Variants in CIAPIN1 observed in about 807,000 individuals in gnomAD.
CIAPIN1 encodes anamorsin.
Under a neutral mutation model 34.3 loss-of-function variants are expected in CIAPIN1, and 18 were observed. The observed-to-expected ratio is 0.52, with a 90% CI of 0.36 to 0.78. CIAPIN1 has a LOEUF of 0.78. CIAPIN1 is among the 30% of genes least tolerant of loss of function. The pLI is 0.00. For synonymous variants in CIAPIN1, 131 were observed against 140.4 expected (o/e 0.93, Z 0.47); for missense variants, 310 against 372.5 (o/e 0.83, Z 1.38).
At chr16:57,432,413 A>G in intron 6 of CIAPIN1, 74 bp downstream of exon 6, 1 of 1,264,332 alleles carries the variant, frequency 7.9e-7, no homozygotes, top group Non-Finnish European at 1.1e-6. Flanking sequence ...CAAGTCCAGA[A>G]AGGTCACTAT....
At chr16:57,434,367 C>A (rs1903155192) in intron 4 of CIAPIN1, among the ~76,000 whole-genome samples, 155 bp from the exon 5 acceptor site, 1 of 152,194 alleles carries the variant, frequency 6.6e-6, no homozygotes, top group South Asian at 2.1e-4. Flanking sequence ...TTCAGTTTCT[C>A]ACTGATCAGA....
rs1383393927 is a variant in CIAPIN1 at position 57,434,068 on chromosome 16, T to C, written c.532A>G (p.Ile178Val). The change falls in exon 5 of 9, where the codon ATC becomes GTC. Residue 178 changes from isoleucine to valine, a missense_variant. By Grantham distance (29) the Ile-to-Val change is conservative (BLOSUM62 3). Coordinates refer to ENST00000394391, the MANE Select transcript of CIAPIN1 (RefSeq NM_020313.4). Reference sequence around the variant, plus strand: ...CCTGAAGGAGAAGACTTCTTGGTGATGGAAAGCTTAAGCTGCCTAGAAGAA... The same window carrying C: ...CCTGAAGGAGAAGACTTCTTGGTGACGGAAAGCTTAAGCTGCCTAGAAGAA... ...VGSSRQLKLS[I>V]TKKSSPSVKP... 6.2e-6 allele frequency: 10 copies of C among 1,613,996 alleles called. No homozygotes were observed. Among genetic ancestry groups the C allele is most frequent in the Non-Finnish European group, 8.5e-6 (10 of 1,180,004 alleles).
Position 57,436,724 on chromosome 16 carries a change from T to C in CIAPIN1, c.319A>G (p.Ser107Gly), listed in dbSNP as rs1292030804. ...EPVETAVDNNSKVKTASKLCS... is the reference protein window; with the variant it reads ...EPVETAVDNNGKVKTASKLCS... ...AGCTTAGATGCTGTCTTCACTTTGC[T>C]ATTGTTATCTGCCAAAAGGAAAATC... Residue 107 changes from serine to glycine, a missense_variant, in exon 4 of 9, where the codon AGC becomes GGC. Ser to Gly is a moderately conservative substitution (Grantham distance 56). Coordinates refer to ENST00000394391, the MANE Select transcript of CIAPIN1 (RefSeq NM_020313.4). The C allele has an allele frequency of 6.2e-7, 1 of 1,613,510 alleles. No homozygotes were observed. Among genetic ancestry groups the C allele is most frequent in the Non-Finnish European group, 8.5e-7 (1 of 1,179,658 alleles).
At chr16:57,433,993 A>G in intron 5 of CIAPIN1, 51 bp downstream of exon 5, 1 of 1,506,752 alleles carries the variant, frequency 6.6e-7, no homozygotes, top group East Asian at 2.3e-5. Flanking sequence ...AATTTCTAAC[A>G]TGTCCCTCTA....
At chr16:57,436,795 T>G in intron 3 of CIAPIN1, 63 bp from the exon 4 acceptor site, 3 of 1,393,188 alleles carry the variant, frequency 2.2e-6, no homozygotes, top group Non-Finnish European at 2.0e-6. Flanking sequence ...TAATAAAGGC[T>G]CAATCCTATA....
chr16:57,442,492 C>T (rs536918867), intron 1 of CIAPIN1, among the ~76,000 whole-genome samples: 32 of 152,072 alleles, frequency 2.1e-4, no homozygotes, highest in South Asian at 8.3e-4. Flanking sequence ...GAAACCCCAT[C>T]TCTACTAAAA....
intron 1 of CIAPIN1, among the ~76,000 whole-genome samples, chr16:57,442,394 C>G (rs1350930765): frequency 6.6e-6 from 1 of 152,080 alleles, no homozygotes; most frequent in African/African-American, 2.4e-5. Context: ...GGCGTGGTGG[C>G]TCATGCCTAT....
In CIAPIN1 at chr16:57,441,002, C is replaced by T; in HGVS notation, c.-55-19G>A. 6.8e-7 allele frequency: 1 copy of T among 1,470,038 alleles called. No homozygotes were observed. The highest frequency in any genetic ancestry group is 2.3e-5 in the East Asian group (1 of 43,516). 91.1% of individuals were successfully genotyped at this position (1,470,038 alleles called of 1,614,324 possible). ...ATCAAGACTGGGCAGAGACAAAGTGCAATTTAATCTGTGAGATATCATAAA... is the reference window on the plus strand; with the variant it reads ...ATCAAGACTGGGCAGAGACAAAGTGTAATTTAATCTGTGAGATATCATAAA... On this transcript the variant is annotated intron_variant, in intron 1 of 8. Coordinates refer to ENST00000394391, the MANE Select transcript of CIAPIN1 (RefSeq NM_020313.4).
intron 1 of CIAPIN1, among the ~76,000 whole-genome samples, chr16:57,443,035 T>C (rs1283322269): frequency 6.6e-6 from 1 of 151,154 alleles, no homozygotes; most frequent in African/African-American, 2.4e-5. Flanking sequence ...TAGGATTCTT[T>C]AGTCATTTAA....
intron 2 of CIAPIN1, among the ~76,000 whole-genome samples, chr16:57,440,400 C>T (rs1425456456): frequency 6.6e-6 from 1 of 152,142 alleles, no homozygotes; most frequent in Non-Finnish European, 1.5e-5. Context: ...GTGACCCACA[C>T]CCTATTCGTA....
At chr16:57,434,289 CAA>C in intron 4 of CIAPIN1, 77 bp from the exon 5 acceptor site, 1 of 1,374,484 alleles carries the variant, frequency 7.3e-7, no homozygotes, top group Non-Finnish European at 1.0e-6. Flanking sequence ...ACACAGGAGT[CAA>C]AGACTCATTT....
intron 1 of CIAPIN1, among the ~76,000 whole-genome samples, chr16:57,442,242 A>G (rs1903348628): frequency 6.6e-6 from 1 of 151,944 alleles, no homozygotes; most frequent in African/African-American, 2.4e-5. Flanking sequence ...GCTACTCACG[A>G]GGCTGAGGAA....
Position 57,440,821 on chromosome 16 carries a change from G to T in CIAPIN1, c.108C>A (p.Thr36=). ...KGLVDKLQAL[T]GNEGRVSVEN... ...CCACAGACACGCGGCCCTCATTGCC[G>T]GTTAACGCTTGAAGCTTATCCACCA... Residue 36 remains threonine (T), a synonymous_variant, in exon 2 of 9, where the codon ACC becomes ACA. Transcript: ENST00000394391. The T allele has an allele frequency of 6.2e-7, 1 of 1,613,828 alleles. No homozygotes were observed. Among genetic ancestry groups the T allele is most frequent in the Non-Finnish European group, 8.5e-7 (1 of 1,179,858 alleles).
At chr16:57,446,319 C>G (rs1284759704) in intron 1 of CIAPIN1, among the ~76,000 whole-genome samples, 1 of 152,084 alleles carries the variant, frequency 6.6e-6, no homozygotes, top group African/African-American at 2.4e-5. Context: ...AGTGTTTTAC[C>G]TAAAACCAGA....
rs773648892 is a variant in CIAPIN1, at chr16:57,434,206, G to A, written c.394C>T (p.Arg132Trp). The change falls in exon 5 of 9, where the codon CGG (arginine) becomes TGG (tryptophan). Residue 132 changes from arginine (R) to tryptophan (W), a missense_variant. Physicochemically the swap from Arg to Trp is moderately radical, Grantham distance 101 (BLOSUM62 -3). Transcript: ENST00000394391. ...ACTTCCTCAGGGGTTAGGGGCTCCC[G>A]CTGCAGCTAGAATTCAAGACATCAA... is the stretch of plus-strand genomic sequence containing the variant. The part of the protein sequence containing the change: ...SGLVEVKELQ[R>W]EPLTPEEVQS... The A allele has an allele frequency of 4.1e-5, 66 of 1,613,628 alleles. 1 individual carries two copies. Among genetic ancestry groups the A allele is most frequent in the South Asian group, 3.7e-4 (34 of 91,016 alleles).
At chr16:57,445,336 G>A (rs1274483103) in intron 1 of CIAPIN1, among the ~76,000 whole-genome samples, 4 of 151,926 alleles carry the variant, frequency 2.6e-5, no homozygotes, top group Non-Finnish European at 4.4e-5. Context: ...GAGAAAACCC[G>A]TCTCTACTAA....
In CIAPIN1 at chr16:57,436,677, A is replaced by T. The variant is rs1389301719; in HGVS notation, c.366T>A (p.Ser122=). The change falls in exon 4 of 9, where the codon TCT becomes TCA. Residue 122 remains serine (S), a synonymous_variant. Transcript: ENST00000394391. ...GTACCTCTTTCACTTCCACAAGACC[A>T]GAAAGAGTCAGGGCTGAACACAGCT... ...ASKLCSALTL[S]GLVEVKELQR... is the part of the protein sequence containing the mutation. 2 of 1,613,936 alleles carry T rather than the reference A, an allele frequency of 1.2e-6. No homozygotes were observed. Among genetic ancestry groups the T allele is most frequent in the Non-Finnish European group, 1.7e-6 (2 of 1,179,822 alleles).
intron 6 of CIAPIN1, among the ~76,000 whole-genome samples, chr16:57,432,239 G>A (rs561829276): frequency 2.8e-4 from 43 of 152,146 alleles, no homozygotes; most frequent in African/African-American, 9.6e-4. Flanking sequence ...GCTTGAACCC[G>A]GGAGCAGAGA....
At chr16:57,432,661 T>G in intron 5 of CIAPIN1, 101 bp from the exon 6 acceptor site, 1 of 1,090,802 alleles carries the variant, frequency 9.2e-7, no homozygotes, top group Non-Finnish European at 1.3e-6. Context: ...GAGAACACAC[T>G]GGCCTGGGAG....
Sources: gnomAD v4.1 joint callset for allele counts (sites outside exome capture counted in the v4.1 genomes callset) on GRCh38, gnomAD v4.1.1 for gene constraint, MANE v1.5 for transcripts, NCBI Gene and HGNC (gene_info 2026-07-23, HGNC 2026-07-21) for gene names.